The following CCT3 variants were observed in gnomAD, a reference collection of about 807,000 sequenced individuals.
CCT3 encodes T-complex protein 1 subunit gamma.
CCT3 carries 10 observed loss-of-function variants against 65.3 expected under a neutral mutation model. The observed-to-expected ratio is 0.15, with a 90% CI of 0.09 to 0.26. The LOEUF is 0.26. Ranked by LOEUF, CCT3 falls within the 10% of genes least tolerant of loss-of-function variation. The probability of loss-of-function intolerance (pLI) is 1.00; values close to 1 mark genes in which losing one functional copy is unlikely to be tolerated. For synonymous variants in CCT3, 225 were observed against 242.3 expected (o/e 0.93, Z 0.66); for missense variants, 626 against 708.7 (o/e 0.88, Z 1.33).
intron 2 of CCT3, chr1:156,335,252 T>C: frequency 4.3e-6 from 1 of 232,008 alleles, no homozygotes; most frequent in Non-Finnish European, 8.4e-6. Flanking sequence ...ATATAGGATG[T>C]GGCTAGCTCT....
intron 8 of CCT3, 103 bp downstream of exon 8, chr1:156,318,765 A>T: frequency 9.4e-7 from 1 of 1,068,908 alleles, no homozygotes. Flanking sequence ...AGTGTACACT[A>T]TGCACCCAGA....
intron 13 of CCT3, 53 bp downstream of exon 13, chr1:156,310,497 AATAAATAG>A (rs1446855833): frequency 7.6e-7 from 1 of 1,308,548 alleles, no homozygotes; most frequent in South Asian, 1.6e-5. Flanking sequence ...CTCAAAAATA[AATAAATAG>A]ATAAATAAAT....
chr1:156,333,061 C>A, intron 5 of CCT3: 1 of 176,472 alleles, frequency 5.7e-6, no homozygotes, highest in Non-Finnish European at 1.2e-5. Context: ...TTTGGGAGGC[C>A]AAGGAGGGCG....
At chr1:156,313,338 C>CA (rs772344039) in intron 10 of CCT3, among the ~76,000 whole-genome samples, 527 of 28,670 alleles carry the variant, frequency 0.018, no homozygotes, top group East Asian at 0.055. Flanking sequence ...GATTCTGTCT[C>CA]AAAAAAAAAA....
intron 2 of CCT3, 75 bp downstream of exon 2, chr1:156,335,752 G>A: frequency 8.2e-7 from 1 of 1,226,640 alleles, no homozygotes; most frequent in Non-Finnish European, 1.2e-6. Context: ...AGATGCACAG[G>A]ACACATGGCT....
intron 1 of CCT3, chr1:156,337,268 C>G (rs1197801306): frequency 6.0e-6 from 2 of 334,078 alleles, no homozygotes; most frequent in African/African-American, 4.6e-5. Flanking sequence ...ATTAGCCGTG[C>G]GTGGTGGCGC....
At chr1:156,311,322 G>T in intron 11 of CCT3, 127 bp from the exon 12 acceptor site, 1 of 833,670 alleles carries the variant, frequency 1.2e-6, no homozygotes, top group Non-Finnish European at 1.9e-6. Flanking sequence ...AAGGTCCTTG[G>T]AACCCCTACT....
chr1:156,325,483 G>A (rs112977402), intron 5 of CCT3, among the ~76,000 whole-genome samples: 1 of 151,986 alleles, frequency 6.6e-6, no homozygotes, highest in African/African-American at 2.4e-5. Context: ...AGCCATGACC[G>A]CACCATTGCA....
intron 5 of CCT3, among the ~76,000 whole-genome samples, chr1:156,328,263 C>A (rs1664946016): frequency 6.8e-6 from 1 of 147,906 alleles, no homozygotes; most frequent in South Asian, 2.2e-4. Context: ...CGGCCAGCCG[C>A]CCCATCCGGG....
At chr1:156,320,339 T>C (rs984209189) in intron 7 of CCT3, among the ~76,000 whole-genome samples, 1 of 151,924 alleles carries the variant, frequency 6.6e-6, no homozygotes, top group Non-Finnish European at 1.5e-5. Flanking sequence ...ACCCGGGAGG[T>C]GGAGGCTACA....
In CCT3 at chr1:156,309,223, C is replaced by T. The variant is rs143692903; in HGVS notation, c.1614G>A (p.Gly538=). 8 of 1,613,540 alleles carry T rather than the reference C, an allele frequency of 5.0e-6. No individual in the cohort carries two copies. The highest frequency in any genetic ancestry group is 2.7e-5 in the African/African-American group (2 of 74,898). Residue 538 remains glycine, a synonymous_variant, in exon 14 of 14, where the codon GGG becomes GGA. Coordinates refer to ENST00000295688, the MANE Select transcript of CCT3 (RefSeq NM_005998.5). Reference sequence around the variant, plus strand: ...CTCACTCCTGGCCAGCATCAGGAGCCCCGCCTTGCCGGCTCTGGTCATCGC... The same window carrying T: ...CTCACTCCTGGCCAGCATCAGGAGCTCCGCCTTGCCGGCTCTGGTCATCGC... ...KKGDDQSRQG[G]APDAGQE
intron 1 of CCT3, 52 bp from the exon 2 acceptor site, chr1:156,335,940 C>T: frequency 1.4e-6 from 2 of 1,403,356 alleles, no homozygotes; most frequent in South Asian, 2.3e-5. Context: ...CCATCGTACA[C>T]AAGCTATTTA....
chr1:156,309,479 T>C (rs558284056), intron 13 of CCT3, among the ~76,000 whole-genome samples, 176 bp from the exon 14 acceptor site: 2 of 152,064 alleles, frequency 1.3e-5, no homozygotes, highest in South Asian at 4.2e-4. Flanking sequence ...CAGGCTAGAG[T>C]GCAGTAGCAT....
At chr1:156,328,679 A>C (rs1045495055) in intron 5 of CCT3, among the ~76,000 whole-genome samples, 1 of 151,900 alleles carries the variant, frequency 6.6e-6, no homozygotes, top group Non-Finnish European at 1.5e-5. Flanking sequence ...AAGAGTCATC[A>C]CCACTCCCTA....
chr1:156,318,385 A>G (rs1410205814), intron 8 of CCT3, among the ~76,000 whole-genome samples: 1 of 151,842 alleles, frequency 6.6e-6, no homozygotes, highest in Non-Finnish European at 1.5e-5. Flanking sequence ...CACCACGCCC[A>G]ATTAATTTTT....
At chr1:156,318,818 T>C in intron 8 of CCT3, 50 bp downstream of exon 8, 1 of 1,577,050 alleles carries the variant, frequency 6.3e-7, no homozygotes, top group Non-Finnish European at 8.7e-7. Context: ...TGTTCATATT[T>C]GCAGTCAGAT....
intron 11 of CCT3, 24 bp from the exon 12 acceptor site, chr1:156,311,219 T>C (rs1259540186): frequency 6.2e-7 from 1 of 1,609,136 alleles, no homozygotes; most frequent in South Asian, 1.1e-5. Context: ...ACAGACAGTA[T>C]GAAGCCAAAG....
Position 156,314,265 on chromosome 1 carries a change from CAT to C in CCT3, c.975-2046_975-2045del, listed in dbSNP as rs202000485. Among the ~76,000 whole-genome samples the C allele has an allele frequency of 7.9e-3, 1,201 of 152,216 alleles. 23 individuals are homozygous for C. The highest frequency in any genetic ancestry group is 0.027 in the African/African-American group (1,103 of 41,532). On this transcript the variant is annotated intron_variant, in intron 10 of 13. Transcript: ENST00000295688. ...GAGCAAACTGTGTCCAGATGTTGTA[CAT>C]GACTTCGTAGGATTTATGACAGAGC...
Position 156,310,571 on chromosome 1 carries a change from TTATAAGTCTGCAGC to T in CCT3, c.1506_1519del (p.Leu503AspfsTer13). ...AGGGTGCCTTACCTCCACTGCTGTC[TTATAAGTCTGCAGC>T]TTCACAGCCAATGGCTCCCATATGC... On this transcript the variant is annotated frameshift_variant, in exon 13 of 14. Transcript: ENST00000295688. LOFTEE classifies it high-confidence loss of function. The T allele has an allele frequency of 6.2e-7, 1 of 1,613,570 alleles. No homozygotes were observed. The highest frequency in any genetic ancestry group is 8.5e-7 in the Non-Finnish European group (1 of 1,179,572).
Sources: allele counts gnomAD v4.1 joint callset (sites outside exome capture counted in the v4.1 genomes callset), GRCh38; gene constraint gnomAD v4.1.1; transcripts MANE v1.5; gene names NCBI Gene and HGNC (gene_info 2026-07-23, HGNC 2026-07-21).